NIPBL: variants seen among roughly 807,000 people sequenced by gnomAD.
NIPBL encodes NIPBL cohesin loading factor, also known as nipped-B-like protein.
Under a neutral mutation model 321.8 loss-of-function variants are expected in NIPBL, and 19 were observed. The observed-to-expected ratio is 0.06, with a 90% CI of 0.04 to 0.09. The LOEUF (loss-of-function observed/expected upper bound fraction) is 0.09, where lower values mean the gene tolerates loss of function less well. Ranked by LOEUF, NIPBL falls within the 10% of genes least tolerant of loss-of-function variation. NIPBL has a pLI of 1.00. For missense variants in NIPBL, 2,210 were observed against 3,327.0 expected (o/e 0.66, Z 8.26); for synonymous variants, 1,106 against 1,114.1 (o/e 0.99, Z 0.14).
Position 36,885,847 on chromosome 5 carries a change from G to A in NIPBL, c.-80+8669G>A. On this transcript the variant is annotated intron_variant, in intron 1 of 46. Coordinates refer to ENST00000282516, the MANE Select transcript of NIPBL (RefSeq NM_133433.4). ...GGGAGGAGCTGCTCTTAATGAAGGA[G>A]AACCACGAAGAGGAAGTAAAAGGCC... is the stretch of plus-strand genomic sequence containing the variant. 6 of 702,678 alleles carry A rather than the reference G, an allele frequency of 8.5e-6. 1 individual carries two copies. Among genetic ancestry groups the A allele is most frequent in the South Asian group, 8.4e-5 (6 of 71,852 alleles). The allele number at this position is 702,678 out of a possible 1,614,324, so 43.5% of individuals were successfully genotyped here.
intron 22 of NIPBL, 36 bp from the exon 23 acceptor site, chr5:37,016,002 A>G (rs1479645981): frequency 6.2e-7 from 1 of 1,611,626 alleles, no homozygotes; most frequent in Non-Finnish European, 8.5e-7. Context: ...TGTGTCACCT[A>G]AATTGACATC....
rs755435047 is a variant in NIPBL, at chr5:36,985,819, G to A, written c.2639G>A (p.Arg880Lys). 2.5e-6 allele frequency: 4 copies of A among 1,613,866 alleles called. No homozygotes were observed. Among genetic ancestry groups the A allele is most frequent in the South Asian group, 2.2e-5 (2 of 91,076 alleles). Residue 880 changes from arginine to lysine, a missense_variant, in exon 10 of 47, where the codon AGA (arginine) becomes AAA (lysine). By Grantham distance (26) the Arg-to-Lys change is conservative. This residue lies in a region of NIPBL where 588 missense variants were observed against 564.1 expected (regional missense o/e 1.04). Coordinates refer to ENST00000282516, the MANE Select transcript of NIPBL (RefSeq NM_133433.4). Reference sequence around the variant, plus strand: ...CATGAATCAGGGGACTCAAGGGAAAGACCATCTTCTGGGGAACAAAAATCA... The same window carrying A: ...CATGAATCAGGGGACTCAAGGGAAAAACCATCTTCTGGGGAACAAAAATCA... Reference protein sequence around the residue: ...HRHESGDSRERPSSGEQKSRP... With the variant: ...HRHESGDSREKPSSGEQKSRP...
In NIPBL at chr5:36,985,365, G is replaced by T. The variant is rs1744647731; in HGVS notation, c.2185G>T (p.Gly729Cys). The change falls in exon 10 of 47, where the codon GGT becomes TGT. Residue 729 changes from glycine to cysteine, a missense_variant. Around this residue, in one of 14 missense-constraint regions of NIPBL, gnomAD observed 588 missense variants for 564.1 expected, o/e 1.04. Coordinates refer to ENST00000282516, the MANE Select transcript of NIPBL (RefSeq NM_133433.4). Reference sequence around the variant, plus strand: ...GCATCCTGAAACCCCAAAACAGAAGGGTGATGGAAGGCCTGAAACTCCAAA... The same window carrying T: ...GCATCCTGAAACCCCAAAACAGAAGTGTGATGGAAGGCCTGAAACTCCAAA... ...DGHPETPKQK[G>C]DGRPETPKQK... 6.2e-7 allele frequency: 1 copy of T among 1,613,428 alleles called. No homozygotes were observed. Among genetic ancestry groups the T allele is most frequent in the Non-Finnish European group, 8.5e-7 (1 of 1,179,926 alleles).
At chr5:36,921,121 C>T (rs1025806944) in intron 1 of NIPBL, among the ~76,000 whole-genome samples, 1 of 151,804 alleles carries the variant, frequency 6.6e-6, no homozygotes, top group African/African-American at 2.4e-5. Context: ...TCCTCCAGAT[C>T]CACCAAGAAA....
intron 42 of NIPBL, 107 bp downstream of exon 42, chr5:37,052,673 T>A (rs1753692316): frequency 4.8e-6 from 4 of 827,824 alleles, no homozygotes; most frequent in South Asian, 4.8e-5. Context: ...TGATAGTAAC[T>A]TCATTAAGTG....
At chr5:36,968,528 G>C (rs1742495494) in intron 6 of NIPBL, among the ~76,000 whole-genome samples, 1 of 151,964 alleles carries the variant, frequency 6.6e-6, no homozygotes, top group Non-Finnish European at 1.5e-5. Context: ...GAGATCGCCT[G>C]GGCAACTGAG....
At chr5:37,000,718 G>A (rs1037097904) in intron 12 of NIPBL, 99 bp from the exon 13 acceptor site, 14 of 1,299,446 alleles carry the variant, frequency 1.1e-5, no homozygotes, top group African/African-American at 5.9e-5. Flanking sequence ...AGTGATTATC[G>A]TTTAAGTCTT....
chr5:36,956,062 A>G lies in NIPBL; in HGVS notation c.230+425A>G, dbSNP rs1228233505. 1.1e-4 allele frequency among the ~76,000 whole-genome samples: 16 copies of G among 147,966 alleles called. 2 individuals are homozygous for G. Among genetic ancestry groups the G allele is most frequent in the Non-Finnish European group, 1.5e-5 (1 of 67,548 alleles). On this transcript the variant is annotated intron_variant, in intron 3 of 46. Coordinates refer to ENST00000282516, the MANE Select transcript of NIPBL (RefSeq NM_133433.4). ...TGGTGAAACCCCATCTCTACTAAAA[A>G]TACAAAAAAAAAAAAAAAATTAGCC...
chr5:36,915,781 T>C (rs1029097926), intron 1 of NIPBL, among the ~76,000 whole-genome samples: 3 of 152,188 alleles, frequency 2.0e-5, no homozygotes, highest in African/African-American at 7.2e-5. Flanking sequence ...AGTGATACAT[T>C]GTAACACATG....
chr5:36,959,137 G>A (rs770192993), intron 4 of NIPBL, among the ~76,000 whole-genome samples: 5 of 152,170 alleles, frequency 3.3e-5, no homozygotes, highest in Non-Finnish European at 5.9e-5. Flanking sequence ...AGCTCAGGAG[G>A]TCAAGGCTGC....
Position 37,036,457 on chromosome 5 carries a change from C to A in NIPBL, c.5941C>A (p.His1981Asn). The change falls in exon 33 of 47, where the codon CAC becomes AAC. Residue 1981 changes from histidine (H) to asparagine (N), a missense_variant. Physicochemically the swap from His to Asn is moderately conservative, Grantham distance 68. This residue lies in a region of NIPBL where 69 missense variants were observed against 100.8 expected (regional missense o/e 0.68). Coordinates refer to ENST00000282516, the MANE Select transcript of NIPBL (RefSeq NM_133433.4). ...CTQLVDNLVE[H>N]ILKYEESLAD... Reference sequence around the variant, plus strand: ...TCAACTTGTTGATAACCTAGTTGAGCACATTCTTAAATATGAGGAATCTCT... The same window carrying A: ...TCAACTTGTTGATAACCTAGTTGAGAACATTCTTAAATATGAGGAATCTCT... 1.4e-6 allele frequency: 2 copies of A among 1,459,680 alleles called. No individual in the cohort carries two copies. Among genetic ancestry groups the A allele is most frequent in the Non-Finnish European group, 1.8e-6 (2 of 1,091,982 alleles). 90.4% of individuals were successfully genotyped at this position (1,459,680 alleles called of 1,614,324 possible).
rs1749546061 is a variant in NIPBL, at chr5:37,020,848, G to T, written c.5299G>T (p.Ala1767Ser). Residue 1767 changes from alanine to serine, a missense_variant, in exon 27 of 47, where the codon GCC (alanine) becomes TCC (serine). This residue lies in a region of NIPBL where 138 missense variants were observed against 175.8 expected (regional missense o/e 0.79). Coordinates refer to ENST00000282516, the MANE Select transcript of NIPBL (RefSeq NM_133433.4). ...VRYLASMRPF[A>S]QSFDIYLTQI... ...ATACTTGGCCTCCATGAGGCCGTTT[G>T]CCCAGAGCTTTGATATTTATTTGAC... 6.2e-7 allele frequency: 1 copy of T among 1,613,462 alleles called. No homozygotes were observed. Among genetic ancestry groups the T allele is most frequent in the East Asian group, 2.2e-5 (1 of 44,876 alleles).
rs192055152 is a variant in NIPBL, at chr5:37,018,104, C to A, written c.4920+942C>A. Among the ~76,000 whole-genome samples the A allele has an allele frequency of 6.6e-5, 10 of 152,186 alleles. No individual in the cohort carries two copies. The East Asian group carries it at 1.9e-3, about 29-fold the overall frequency. On this transcript the variant is annotated intron_variant, in intron 24 of 46. Coordinates refer to ENST00000282516, the MANE Select transcript of NIPBL (RefSeq NM_133433.4). ...TGGGAACTAACAAGTACATTTCTAACAAAAGTACAAATTCTTAGGACCCTC... is the reference window on the plus strand; with the variant it reads ...TGGGAACTAACAAGTACATTTCTAAAAAAAGTACAAATTCTTAGGACCCTC...
Position 37,064,627 on chromosome 5 carries a change from A to G in NIPBL, c.8150A>G (p.Lys2717Arg). The G allele has an allele frequency of 6.2e-7, 1 of 1,614,190 alleles. No homozygotes were observed. The highest frequency in any genetic ancestry group is 2.2e-5 in the East Asian group (1 of 44,892). ...VMDVIAICCP[K>R]YKDRPQIARV... ...GATGTCATCGCTATTTGCTGTCCAA[A>G]GTACAAAGATCGACCACAAATTGCA... The change falls in exon 47 of 47, where the codon AAG (lysine) becomes AGG (arginine). Residue 2717 changes from lysine (K) to arginine (R), a missense_variant. By Grantham distance (26) the Lys-to-Arg change is conservative. Coordinates refer to ENST00000282516, the MANE Select transcript of NIPBL (RefSeq NM_133433.4).
At chr5:36,998,598 G>A (rs1327355927) in intron 11 of NIPBL, among the ~76,000 whole-genome samples, 2 of 152,088 alleles carry the variant, frequency 1.3e-5, no homozygotes, top group Middle Eastern at 3.2e-3. Flanking sequence ...GATTGTTTGA[G>A]CCCAGGAGTT....
chr5:36,983,027 A>G (rs953748159), intron 9 of NIPBL, among the ~76,000 whole-genome samples: 5 of 151,996 alleles, frequency 3.3e-5, no homozygotes, highest in Non-Finnish European at 5.9e-5. Context: ...TGAGATATCA[A>G]TTGGTTTGCC....
intron 1 of NIPBL, chr5:36,886,045 G>A (rs1745879215): frequency 3.4e-5 from 24 of 712,578 alleles, no homozygotes; most frequent in South Asian, 3.2e-4. Flanking sequence ...GCACCACAGT[G>A]GTCACCACTC....
At chr5:36,878,994 G>C (rs928194654) in intron 1 of NIPBL, among the ~76,000 whole-genome samples, 2 of 139,548 alleles carry the variant, frequency 1.4e-5, no homozygotes, top group African/African-American at 5.1e-5. Flanking sequence ...GCGAGTGGGG[G>C]GCATGCCAGG....
intron 11 of NIPBL, among the ~76,000 whole-genome samples, chr5:36,997,563 C>A (rs903032379): frequency 6.6e-6 from 1 of 152,080 alleles, no homozygotes; most frequent in Non-Finnish European, 1.5e-5. Context: ...TATCTATGCC[C>A]AACTATATCG....
Sources: gnomAD v4.1 joint callset for allele counts (sites outside exome capture counted in the v4.1 genomes callset) on GRCh38, gnomAD v4.1.1 for gene constraint, gnomAD v4.1.1 regional missense constraint, MANE v1.5 for transcripts, NCBI Gene and HGNC (gene_info 2026-07-23, HGNC 2026-07-21) for gene names.